Variants in SLC25A32 observed in about 807,000 individuals in gnomAD.
SLC25A32 encodes solute carrier family 25 member 32.
A neutral mutation model predicts 39.0 loss-of-function variants in SLC25A32; 32 were observed. The observed-to-expected ratio is 0.82, with a 90% confidence interval of 0.62 to 1.10. SLC25A32 has a LOEUF of 1.10. Ranked by LOEUF, SLC25A32 falls within the 50% of genes least tolerant of loss-of-function variation. The probability of loss-of-function intolerance (pLI) is 0.00; values close to 1 mark genes in which losing one functional copy is unlikely to be tolerated. For synonymous variants in SLC25A32, 166 were observed against 152.4 expected, an observed-to-expected ratio of 1.09 and a Z score of -0.66; for missense variants, 367 against 395.3, an observed-to-expected ratio of 0.93 and a Z score of 0.61.
intron 1 of SLC25A32, among the ~76,000 whole-genome samples, chr8:103,413,244 C>T (rs1487780569): frequency 6.6e-6 from 1 of 152,210 alleles, no homozygotes; most frequent in African/African-American, 2.4e-5. Flanking sequence ...ATGATCACCT[C>T]GACTATCACC....
chr8:103,408,108 G>C (rs1195562082), intron 1 of SLC25A32, among the ~76,000 whole-genome samples: 1 of 151,308 alleles, frequency 6.6e-6, no homozygotes, highest in African/African-American at 2.4e-5. Flanking sequence ...TCCCCTAGTA[G>C]CTGGGATAAC....
chr8:103,400,566 T>C lies in SLC25A32; in HGVS notation c.813-20A>G. On this transcript the variant is annotated intron_variant, in intron 6 of 6. Coordinates refer to ENST00000297578, the MANE Select transcript of SLC25A32 (RefSeq NM_030780.5). Reference sequence around the variant, plus strand: ...TCTTTCCTTTAGAGGGAAAAATAGATAATGCTTAATTTTGTATAGAGCTAG... The same window carrying C: ...TCTTTCCTTTAGAGGGAAAAATAGACAATGCTTAATTTTGTATAGAGCTAG... The C allele has an allele frequency of 6.2e-7, 1 of 1,612,598 alleles. No individual in the cohort carries two copies. Among genetic ancestry groups the C allele is most frequent in the Non-Finnish European group, 8.5e-7 (1 of 1,179,486 alleles).
rs1563722151 is a variant in SLC25A32, at chr8:103,415,000, CCGCCACCGTGGCGACGGT to C, written c.-81_-64del. ...GCGGAGGTGGGACGCGATGCAGTGGCCGCCACCGTGGCGACGGTCGCCCCTTGTGAGCGCAACCCCACC... is the reference window on the plus strand; with the variant it reads ...GCGGAGGTGGGACGCGATGCAGTGGCCGCCCCTTGTGAGCGCAACCCCACC... On this transcript the variant is annotated 5_prime_UTR_variant, in exon 1 of 7. Transcript: ENST00000297578. 3 of 1,583,678 alleles carry C rather than the reference CCGCCACCGTGGCGACGGT, an allele frequency of 1.9e-6. No individual in the cohort carries two copies. The Admixed American group carries it at 5.4e-5, about 28-fold the overall frequency.
At chr8:103,414,600 C>T (rs940032081) in intron 1 of SLC25A32, 184 bp downstream of exon 1, 3 of 743,412 alleles carry the variant, frequency 4.0e-6, no homozygotes, top group South Asian at 3.7e-5. Context: ...TCTTGAGGAG[C>T]GGGGAAGATC....
chr8:103,411,251 G>A (rs903561477), intron 1 of SLC25A32, among the ~76,000 whole-genome samples: 2 of 152,064 alleles, frequency 1.3e-5, no homozygotes, highest in Non-Finnish European at 2.9e-5. Context: ...AGTTAGATAC[G>A]TTACTCTTTA....
intron 1 of SLC25A32, among the ~76,000 whole-genome samples, chr8:103,409,433 T>C (rs1035876038): frequency 2.6e-5 from 4 of 152,068 alleles, no homozygotes; most frequent in Admixed American, 6.5e-5. Context: ...ACCTGACCTA[T>C]GAATTCTTTT....
At chr8:103,413,681 T>C (rs904783406) in intron 1 of SLC25A32, among the ~76,000 whole-genome samples, 3 of 152,214 alleles carry the variant, frequency 2.0e-5, no homozygotes, top group Non-Finnish European at 4.4e-5. Flanking sequence ...TTATATGTCT[T>C]TGTGGTGTTT....
At chr8:103,414,196 A>C (rs1319396246) in intron 1 of SLC25A32, among the ~76,000 whole-genome samples, 2 of 152,250 alleles carry the variant, frequency 1.3e-5, no homozygotes, top group Non-Finnish European at 2.9e-5. Flanking sequence ...TTTAGTGTTG[A>C]GTTTAACTTC....
intron 6 of SLC25A32, 106 bp downstream of exon 6, chr8:103,401,395 CCACCAATCATGTTTT>C: frequency 1.2e-6 from 1 of 805,022 alleles, no homozygotes; most frequent in Non-Finnish European, 1.9e-6. Flanking sequence ...AAAGCAGGGA[CCACCAATCATGTTTT>C]CACCACAGCA....
intron 1 of SLC25A32, among the ~76,000 whole-genome samples, chr8:103,413,905 A>G (rs570376894): frequency 2.6e-5 from 4 of 152,166 alleles, no homozygotes; most frequent in Non-Finnish European, 5.9e-5. Flanking sequence ...TCTTGATTTT[A>G]TGTTGTCTAG....
At position 103,401,238 on chromosome 8, in the gene SLC25A32, A is replaced by G. The variant is rs549407350; in HGVS notation, c.812+278T>C. ...ATATTCAATACCATTCAGATATTTT[A>G]TAACACCTAAATTTTATTTTCCAAA... On this transcript the variant is annotated intron_variant, in intron 6 of 6. Coordinates refer to ENST00000297578, the MANE Select transcript of SLC25A32 (RefSeq NM_030780.5). Among the ~76,000 whole-genome samples the G allele has an allele frequency of 3.7e-3, 566 of 152,366 alleles. 2 individuals are homozygous for G. The highest frequency in any genetic ancestry group is 0.013 in the African/African-American group (535 of 41,584).
chr8:103,410,207 T>C (rs759415690), intron 1 of SLC25A32, among the ~76,000 whole-genome samples: 3 of 152,214 alleles, frequency 2.0e-5, no homozygotes, highest in Non-Finnish European at 4.4e-5. Flanking sequence ...CTCCCTAACA[T>C]AAAATTAAAA....
In SLC25A32 at chr8:103,403,178, G is replaced by T; in HGVS notation, c.538C>A (p.Arg180Ser). 6.2e-7 allele frequency: 1 copy of T among 1,600,046 alleles called. No homozygotes were observed. ...LVKIYKYEGV[R>S]GLYKGFVPGL... ...TAATTTGTTACCTTATATAATCCAC[G>T]CACACCTTCATACTTATATATTTTC... The change falls in exon 4 of 7, where the codon CGT becomes AGT. Residue 180 changes from arginine (R) to serine (S), a missense_variant. Coordinates refer to ENST00000297578, the MANE Select transcript of SLC25A32 (RefSeq NM_030780.5).
At chr8:103,408,079 G>C (rs1054594087) in intron 1 of SLC25A32, among the ~76,000 whole-genome samples, 11 of 151,274 alleles carry the variant, frequency 7.3e-5, no homozygotes, top group African/African-American at 1.5e-4. Context: ...CCAGGTTCAA[G>C]CAATCCTCCT....
At chr8:103,401,695 G>C (rs1307712561) in intron 5 of SLC25A32, 34 bp from the exon 6 acceptor site, 6 of 1,526,178 alleles carry the variant, frequency 3.9e-6, no homozygotes, top group African/African-American at 1.4e-5. Flanking sequence ...TTTTTCTTTA[G>C]ACAGGATTTC....
At position 103,404,865 on chromosome 8, in the gene SLC25A32, A is replaced by T. The variant is rs749973472; in HGVS notation, c.306-4T>A. 6.3e-7 allele frequency: 1 copy of T among 1,599,198 alleles called. No homozygotes were observed. Among genetic ancestry groups the T allele is most frequent in the African/African-American group, 1.3e-5 (1 of 74,670 alleles). On this transcript the variant is annotated splice_region_variant and splice_polypyrimidine_tract_variant and intron_variant, in intron 2 of 6. Transcript: ENST00000297578. The stretch of plus-strand genomic sequence containing the variant: ...ATATGACTTGATGGCATTGTAACTA[A>T]AAGAATTAAATGTGAGCAGTTTAAT...
rs1470980733 is a variant in SLC25A32, at chr8:103,403,131, T to C, written c.552+33A>G. 2.0e-6 allele frequency: 3 copies of C among 1,468,796 alleles called. No homozygotes were observed. In the South Asian group the frequency reaches 4.0e-5, roughly 19 times the overall value. The allele number at this position is 1,468,796 out of a possible 1,614,324, so 91.0% of individuals were successfully genotyped here. Reference sequence around the variant, plus strand: ...CAGAGCCAACGGAAATTCAAATTTTTCAGTTATTTAAAATATATTGATAAT... The same window carrying C: ...CAGAGCCAACGGAAATTCAAATTTTCCAGTTATTTAAAATATATTGATAAT... On this transcript the variant is annotated intron_variant, in intron 4 of 6. Transcript: ENST00000297578.
At chr8:103,411,379 G>T (rs1816460218) in intron 1 of SLC25A32, among the ~76,000 whole-genome samples, 1 of 151,390 alleles carries the variant, frequency 6.6e-6, no homozygotes, top group African/African-American at 2.4e-5. Flanking sequence ...CCCTTATCAG[G>T]TAAGTGTCTG....
At chr8:103,412,774 T>C (rs76471833) in intron 1 of SLC25A32, among the ~76,000 whole-genome samples, 64 of 152,316 alleles carry the variant, frequency 4.2e-4, no homozygotes, top group African/African-American at 1.3e-3. Context: ...TGAGTTCCAA[T>C]TTATACTTGA....
Sources: allele counts gnomAD v4.1 joint callset (sites outside exome capture counted in the v4.1 genomes callset), GRCh38; gene constraint gnomAD v4.1.1; transcripts MANE v1.5; gene names NCBI Gene and HGNC (gene_info 2026-07-23, HGNC 2026-07-21).